MAP1B: variants seen among roughly 807,000 people sequenced by gnomAD.
MAP1B encodes microtubule-associated protein 1B.
In MAP1B, 12 loss-of-function variants were observed where a neutral mutation model predicts 176.1. That is an observed-to-expected ratio of 0.07 (90% CI 0.04 to 0.11). The LOEUF is 0.11. Among genes scored for constraint, MAP1B ranks in the 10% least tolerant of loss-of-function variants. The pLI, the probability that MAP1B is intolerant of heterozygous loss-of-function variation, is 1.00. For synonymous variants in MAP1B, 1,044 were observed against 1,135.0 expected (o/e 0.92, Z 1.61); for missense variants, 2,523 against 2,990.5 (o/e 0.84, Z 3.65).
rs1747190604 is a variant in MAP1B at position 72,197,046 on chromosome 5, G to C, written c.3691G>C (p.Val1231Leu). The change falls in exon 5 of 7, where the codon GTG (valine) becomes CTG (leucine). Residue 1231 changes from valine to leucine, a missense_variant. This residue lies in a region of MAP1B where 1,925 missense variants were observed against 2,126.0 expected (regional missense o/e 0.91). Transcript: ENST00000296755. ...TTTACGTGATGCTTACTGCTCTGAA[G>C]TGAAAGCCAGCACCACTTTGGACAT... ...SALRDAYCSEVKASTTLDIKD... is the reference protein window; with the variant it reads ...SALRDAYCSELKASTTLDIKD... The C allele has an allele frequency of 1.2e-6, 2 of 1,614,100 alleles. No homozygotes were observed. Among genetic ancestry groups the C allele is most frequent in the Non-Finnish European group, 1.7e-6 (2 of 1,180,044 alleles).
At chr5:72,183,451 T>C (rs552790715) in intron 2 of MAP1B, among the ~76,000 whole-genome samples, 1 of 152,296 alleles carries the variant, frequency 6.6e-6, no homozygotes, top group South Asian at 2.1e-4. Context: ...TTGTCTCAGA[T>C]GAAAACCGCC....
chr5:72,203,414 G>C (rs193147702), intron 5 of MAP1B, 149 bp from the exon 6 acceptor site: 35 of 686,772 alleles, frequency 5.1e-5, no homozygotes, highest in Middle Eastern at 2.7e-4. Flanking sequence ...GATTACCAGG[G>C]AGATGGAAAT....
intron 2 of MAP1B, among the ~76,000 whole-genome samples, chr5:72,173,857 G>C (rs1263149189): frequency 6.6e-6 from 1 of 152,218 alleles, no homozygotes; most frequent in African/African-American, 2.4e-5. Flanking sequence ...TGCTGGGCGT[G>C]GTGGCTCAAG....
intron 1 of MAP1B, among the ~76,000 whole-genome samples, chr5:72,113,694 AC>A (rs1745382809): frequency 6.6e-6 from 1 of 152,242 alleles, no homozygotes; most frequent in African/African-American, 2.4e-5. Flanking sequence ...TAACTTATTG[AC>A]CCAGCTTGAC....
intron 1 of MAP1B, among the ~76,000 whole-genome samples, chr5:72,108,984 C>A (rs1256774980): frequency 6.6e-6 from 1 of 152,232 alleles, no homozygotes; most frequent in Non-Finnish European, 1.5e-5. Flanking sequence ...GTGGTGCAGT[C>A]CGCACTGCGG....
chr5:72,197,113 C>T lies in MAP1B; in HGVS notation c.3758C>T (p.Pro1253Leu). 6.2e-7 allele frequency: 1 copy of T among 1,614,214 alleles called. No homozygotes were observed. Among genetic ancestry groups the T allele is most frequent in the Admixed American group, 1.7e-5 (1 of 60,022 alleles). Residue 1253 changes from proline (P) to leucine (L), a missense_variant, in exon 5 of 7, where the codon CCA becomes CTA. Transcript: ENST00000296755. The part of the protein sequence containing the change: ...ISAVSSEKVS[P>L]SKSPSLSPSP... ...GCTGTTTCAAGTGAAAAGGTCAGCC[C>T]ATCGAAGAGCCCGTCCCTGAGTCCA...
At position 72,141,203 on chromosome 5, in the gene MAP1B, T is replaced by C. The variant is rs72779273; in HGVS notation, c.286+25404T>C. On this transcript the variant is annotated intron_variant, in intron 2 of 6. Transcript: ENST00000296755. ...TCCTGCCCTCCAGCTTCTTTCTTTC[T>C]TTCCTCCCATTTCTCCTCTCTTCCC... 7.9e-3 allele frequency among the ~76,000 whole-genome samples: 1,198 copies of C among 152,302 alleles called. 9 individuals are homozygous for C. The highest frequency in any genetic ancestry group is 0.013 in the Non-Finnish European group (868 of 68,024).
intron 6 of MAP1B, 65 bp downstream of exon 6, chr5:72,203,866 C>A: frequency 1.3e-6 from 2 of 1,499,870 alleles, no homozygotes; most frequent in Non-Finnish European, 1.8e-6. Flanking sequence ...TGGGAAGGAA[C>A]CATGTTTAAA....
intron 2 of MAP1B, among the ~76,000 whole-genome samples, chr5:72,136,151 A>G (rs1745834894): frequency 6.6e-6 from 1 of 152,182 alleles, no homozygotes; most frequent in Non-Finnish European, 1.5e-5. Context: ...GTAAAGTGCT[A>G]GTTACTGTAC....
intron 3 of MAP1B, among the ~76,000 whole-genome samples, chr5:72,184,103 G>A (rs1746839280): frequency 6.6e-6 from 1 of 152,218 alleles, no homozygotes; most frequent in Non-Finnish European, 1.5e-5. Flanking sequence ...TATGCTGGGG[G>A]TGGTGGGGAG....
chr5:72,130,430 G>C (rs10040122), intron 2 of MAP1B, among the ~76,000 whole-genome samples: 2 of 152,210 alleles, frequency 1.3e-5, no homozygotes, highest in Non-Finnish European at 2.9e-5. Flanking sequence ...GTATGTGTAT[G>C]ACAATGAATG....
At chr5:72,158,725 C>T (rs1746275013) in intron 2 of MAP1B, among the ~76,000 whole-genome samples, 2 of 152,060 alleles carry the variant, frequency 1.3e-5, no homozygotes, top group South Asian at 4.1e-4. Flanking sequence ...AAAGCTGGTG[C>T]CCTTATTGTT....
intron 1 of MAP1B, among the ~76,000 whole-genome samples, chr5:72,113,386 G>T (rs1470226138): frequency 6.6e-6 from 1 of 152,122 alleles, no homozygotes; most frequent in African/African-American, 2.4e-5. Flanking sequence ...ATTTTTATCA[G>T]CCGTTTACTA....
chr5:72,192,129 C>T (rs1351136456), intron 4 of MAP1B, among the ~76,000 whole-genome samples: 1 of 152,178 alleles, frequency 6.6e-6, no homozygotes, highest in Non-Finnish European at 1.5e-5. Context: ...CCCCCTAAAA[C>T]ATATTATAAA....
At chr5:72,149,392 G>A (rs1746101899) in intron 2 of MAP1B, among the ~76,000 whole-genome samples, 1 of 152,144 alleles carries the variant, frequency 6.6e-6, no homozygotes, top group South Asian at 2.1e-4. Context: ...TAGGAGGGGC[G>A]GTAAGCAAAA....
intron 2 of MAP1B, among the ~76,000 whole-genome samples, chr5:72,128,479 C>T (rs905982676): frequency 6.6e-6 from 1 of 151,722 alleles, no homozygotes; most frequent in African/African-American, 2.4e-5. Flanking sequence ...CCATGGCTAT[C>T]TTCTAGGTTA....
At chr5:72,139,355 C>T (rs762756224) in intron 2 of MAP1B, among the ~76,000 whole-genome samples, 16 of 152,174 alleles carry the variant, frequency 1.1e-4, no homozygotes, top group Non-Finnish European at 2.1e-4. Context: ...GGTTCTCGTT[C>T]TGGCTGCTCT....
chr5:72,111,026 G>A (rs1481484426), intron 1 of MAP1B, among the ~76,000 whole-genome samples: 1 of 152,316 alleles, frequency 6.6e-6, no homozygotes, highest in Non-Finnish European at 1.5e-5. Flanking sequence ...GACTAGGCTA[G>A]CTTCATTTAT....
intron 2 of MAP1B, among the ~76,000 whole-genome samples, chr5:72,165,975 C>T (rs953469413): frequency 6.6e-6 from 1 of 152,078 alleles, no homozygotes; most frequent in African/African-American, 2.4e-5. Context: ...ATGTTCTACC[C>T]TCACAACAAC....
Sources: allele counts gnomAD v4.1 joint callset (sites outside exome capture counted in the v4.1 genomes callset), GRCh38; gene constraint gnomAD v4.1.1; regional missense constraint gnomAD v4.1.1; transcripts MANE v1.5; gene names NCBI Gene and HGNC (gene_info 2026-07-23, HGNC 2026-07-21).